The following SLC39A11 variants were observed in gnomAD, a reference collection of about 807,000 sequenced individuals.
SLC39A11 encodes the protein zinc transporter ZIP11.
Under a neutral mutation model 36.1 loss-of-function variants are expected in SLC39A11, and 33 were observed. That is an observed-to-expected ratio of 0.91 (90% CI 0.69 to 1.22). SLC39A11 has a LOEUF of 1.22. Among genes scored for constraint, SLC39A11 ranks in the 50% most tolerant of loss-of-function variants. The pLI is 0.00. For missense variants in SLC39A11, 432 were observed against 430.3 expected (o/e 1.00, Z -0.03); for synonymous variants, 166 against 170.3 (o/e 0.97, Z 0.20).
chr17:72,796,427 AGACCACT>A (rs546215039), intron 6 of SLC39A11, among the ~76,000 whole-genome samples: 44 of 152,130 alleles, frequency 2.9e-4, no homozygotes, highest in Non-Finnish European at 6.2e-4. Context: ...CCTATTCCCA[AGACCACT>A]GCTACAGATT....
At chr17:72,979,174 C>A (rs116725332) in intron 4 of SLC39A11, among the ~76,000 whole-genome samples, 26 of 152,252 alleles carry the variant, frequency 1.7e-4, no homozygotes, top group Middle Eastern at 3.4e-3. Flanking sequence ...GGCTCCTCCC[C>A]CTTCGCTTGC....
At chr17:72,978,816 C>T (rs1405464497) in intron 4 of SLC39A11, among the ~76,000 whole-genome samples, 3 of 152,182 alleles carry the variant, frequency 2.0e-5, no homozygotes, top group Non-Finnish European at 2.9e-5. Context: ...AAGGAAACAA[C>T]AAATCATCTC....
intron 6 of SLC39A11, among the ~76,000 whole-genome samples, chr17:72,764,200 T>C (rs974266431): frequency 5.3e-5 from 8 of 152,046 alleles, no homozygotes; most frequent in African/African-American, 1.7e-4. Context: ...GCTCAGGAAG[T>C]TCCCTGTGGC....
intron 4 of SLC39A11, among the ~76,000 whole-genome samples, chr17:73,003,747 A>ATAATCAC (rs2089965377): frequency 6.6e-6 from 1 of 152,144 alleles, no homozygotes; most frequent in South Asian, 2.1e-4. Flanking sequence ...AAGATCCGGG[A>ATAATCAC]TAATCACTAT....
At chr17:73,005,008 T>C (rs1402353508) in intron 4 of SLC39A11, among the ~76,000 whole-genome samples, 1 of 152,146 alleles carries the variant, frequency 6.6e-6, no homozygotes, top group African/African-American at 2.4e-5. Context: ...GTTTGTTTGT[T>C]TGTTTTAAAC....
intron 4 of SLC39A11, among the ~76,000 whole-genome samples, chr17:72,955,298 C>CTTTTTTGTTTTTTTTTTTTT (rs2086166521): frequency 1.5e-5 from 1 of 65,580 alleles, no homozygotes; most frequent in African/African-American, 6.0e-5. Context: ...TTTCAGTTCT[C>CTTTTTTGTTTTTTTTTTTTT]TTTTTTTTTT....
intron 6 of SLC39A11, among the ~76,000 whole-genome samples, chr17:72,784,554 T>C (rs966531102): frequency 3.3e-5 from 5 of 152,094 alleles, no homozygotes; most frequent in African/African-American, 7.2e-5. Flanking sequence ...TCATGTTGAA[T>C]TGTAATGACC....
intron 5 of SLC39A11, among the ~76,000 whole-genome samples, chr17:72,896,936 C>T (rs1029996744): frequency 6.6e-6 from 1 of 150,938 alleles, no homozygotes; most frequent in African/African-American, 2.4e-5. Flanking sequence ...ACCTATAATC[C>T]CAGCTACTCG....
In SLC39A11 at chr17:72,763,892, C is replaced by T. The variant is rs1255333238; in HGVS notation, c.602-27173G>A. 4.6e-5 allele frequency among the ~76,000 whole-genome samples: 7 copies of T among 152,194 alleles called. No homozygotes were observed. The East Asian group carries it at 1.3e-3, about 29-fold the overall frequency. On this transcript the variant is annotated intron_variant, in intron 6 of 9. Transcript: ENST00000255559. The stretch of plus-strand genomic sequence containing the variant: ...TGAAGCTAACGGTCAGTGCCCACTC[C>T]ATCCAGATGAACCCAGCTCACCTGC...
At chr17:72,957,843 A>C (rs2086344668) in intron 4 of SLC39A11, among the ~76,000 whole-genome samples, 1 of 151,402 alleles carries the variant, frequency 6.6e-6, no homozygotes, top group Non-Finnish European at 1.5e-5. Flanking sequence ...AACAAAAATT[A>C]GCCAGGCGTG....
At chr17:72,940,012 G>T (rs1436696022) in intron 5 of SLC39A11, among the ~76,000 whole-genome samples, 1 of 152,188 alleles carries the variant, frequency 6.6e-6, no homozygotes, top group African/African-American at 2.4e-5. Flanking sequence ...TTGGATTTGG[G>T]AGCATTTCAG....
chr17:72,974,526 G>A (rs1432079062), intron 4 of SLC39A11, among the ~76,000 whole-genome samples: 1 of 151,470 alleles, frequency 6.6e-6, no homozygotes, highest in Non-Finnish European at 1.5e-5. Flanking sequence ...AAATACCTTT[G>A]TACAGCTACA....
chr17:72,941,473 T>C (rs1465573283), intron 5 of SLC39A11, among the ~76,000 whole-genome samples: 1 of 152,148 alleles, frequency 6.6e-6, no homozygotes, highest in Non-Finnish European at 1.5e-5. Flanking sequence ...AGCAAACACA[T>C]GTGAGTGCCA....
At chr17:72,918,939 C>T (rs117613758) in intron 5 of SLC39A11, among the ~76,000 whole-genome samples, 11,298 of 151,770 alleles carry the variant, frequency 0.074, 565 homozygotes, top group Middle Eastern at 0.12. Context: ...GGTATGTACC[C>T]ATAATCCCAA....
chr17:72,676,506 A>G (rs988558286), intron 7 of SLC39A11, among the ~76,000 whole-genome samples: 1 of 152,136 alleles, frequency 6.6e-6, no homozygotes, highest in African/African-American at 2.4e-5. Context: ...AATAAATGCT[A>G]CTGCTAGACT....
chr17:72,766,636 G>A (rs185006062), intron 6 of SLC39A11, among the ~76,000 whole-genome samples: 5 of 152,178 alleles, frequency 3.3e-5, no homozygotes, highest in African/African-American at 4.8e-5. Flanking sequence ...CTCTCAGATC[G>A]CAGTTTTCAA....
intron 3 of SLC39A11, among the ~76,000 whole-genome samples, chr17:73,050,675 G>C (rs1390889769): frequency 1.3e-5 from 2 of 152,112 alleles, no homozygotes; most frequent in African/African-American, 2.4e-5. Context: ...ATGTTGGCCA[G>C]GCTGGTCTTG....
In SLC39A11 at chr17:72,647,515, T is replaced by C. The variant is rs2069608816; in HGVS notation, c.*69A>G. 2.3e-6 allele frequency: 3 copies of C among 1,306,544 alleles called. No homozygotes were observed. Among genetic ancestry groups the C allele is most frequent in the Non-Finnish European group, 3.2e-6 (3 of 926,520 alleles). The allele number at this position is 1,306,544 out of a possible 1,614,324, so 80.9% of individuals were successfully genotyped here. A position where few individuals can be genotyped will look rare whatever the true frequency, so the allele number is the denominator to read the frequency against. The stretch of plus-strand genomic sequence containing the variant: ...GTTTTAATGTGAAGAAAGAAGCTTG[T>C]TGTCCCATAGAAGCCAACCACTGCT... On this transcript the variant is annotated 3_prime_UTR_variant, in exon 10 of 10. Coordinates refer to ENST00000255559, the MANE Select transcript of SLC39A11 (RefSeq NM_139177.4).
intron 4 of SLC39A11, among the ~76,000 whole-genome samples, chr17:73,030,586 T>C (rs1210802520): frequency 6.6e-6 from 1 of 152,210 alleles, no homozygotes; most frequent in Non-Finnish European, 1.5e-5. Flanking sequence ...AAATGGACTT[T>C]GACCCATTTC....
Sources: allele counts gnomAD v4.1 joint callset (sites outside exome capture counted in the v4.1 genomes callset), GRCh38; gene constraint gnomAD v4.1.1; transcripts MANE v1.5; gene names NCBI Gene and HGNC (gene_info 2026-07-23, HGNC 2026-07-21).